ITPR1: variants seen among roughly 807,000 people sequenced by gnomAD.
ITPR1 encodes the protein inositol 1,4,5-trisphosphate receptor type 1, also known as inositol 1,4,5-trisphosphate-gated calcium channel ITPR1.
ITPR1 carries 96 observed loss-of-function variants against 318.4 expected under a neutral mutation model. The observed-to-expected ratio is 0.30, with a 90% CI of 0.26 to 0.36. The LOEUF (loss-of-function observed/expected upper bound fraction) is 0.36. Among genes scored for constraint, ITPR1 ranks in the 10% least tolerant of loss-of-function variants. The probability of loss-of-function intolerance (pLI) is 1.00; values close to 1 mark genes in which losing one functional copy is unlikely to be tolerated. For missense variants in ITPR1, 2,440 were observed against 3,460.2 expected (o/e 0.71, Z 7.40); for synonymous variants, 1,312 against 1,289.9 (o/e 1.02, Z -0.37).
intron 54 of ITPR1, among the ~76,000 whole-genome samples, 179 bp from the exon 55 acceptor site, chr3:4,805,924 G>C (rs1328452721): frequency 6.6e-6 from 1 of 152,214 alleles, no homozygotes; most frequent in African/African-American, 2.4e-5. Context: ...GAAAAGCAAA[G>C]TAATGAAATG....
chr3:4,658,008 G>A, intron 12 of ITPR1, 116 bp from the exon 13 acceptor site: 1 of 992,938 alleles, frequency 1.0e-6, no homozygotes, highest in Non-Finnish European at 1.5e-6. Context: ...TCCTTTTCCT[G>A]CCAACTGCTG....
At chr3:4,744,916 CCTTCCT>C (rs2043973881) in intron 44 of ITPR1, among the ~76,000 whole-genome samples, 1 of 31,464 alleles carries the variant, frequency 3.2e-5, no homozygotes, top group Non-Finnish European at 6.7e-5. Flanking sequence ...TTCCTTCCTT[CCTTCCT>C]TCCTTCCTTC....
intron 51 of ITPR1, among the ~76,000 whole-genome samples, chr3:4,786,148 A>T (rs1203297057): frequency 1.3e-5 from 2 of 152,142 alleles, no homozygotes; most frequent in African/African-American, 2.4e-5. Flanking sequence ...GGGAAGAAGC[A>T]CTTGTCCATA....
rs2094123714 is a variant in ITPR1, at chr3:4,673,347, C to T, written c.2416C>T (p.Arg806Cys). ...QEQVTPVKYARLWSEIPSEIA... is the reference protein window; with the variant it reads ...QEQVTPVKYACLWSEIPSEIA... ...ACAAGTCACCCCCGTGAAATATGCCCGCCTCTGGTCGGAGATTCCCTCGGA... is the reference window on the plus strand; with the variant it reads ...ACAAGTCACCCCCGTGAAATATGCCTGCCTCTGGTCGGAGATTCCCTCGGA... Residue 806 changes from arginine (R) to cysteine (C), a missense_variant, in exon 21 of 62, where the codon CGC (arginine) becomes TGC (cysteine). Physicochemically the swap from Arg to Cys is radical, Grantham distance 180. Around this residue, in one of 23 missense-constraint regions of ITPR1, gnomAD observed 478 missense variants for 696.3 expected, o/e 0.69. Transcript: ENST00000649015. 5 of 1,611,554 alleles carry T rather than the reference C, an allele frequency of 3.1e-6. No individual in the cohort carries two copies. The highest frequency in any genetic ancestry group is 2.2e-5 in the East Asian group (1 of 44,830).
At chr3:4,695,118 C>G (rs1306982226) in intron 33 of ITPR1, among the ~76,000 whole-genome samples, 1 of 152,034 alleles carries the variant, frequency 6.6e-6, no homozygotes, top group Non-Finnish European at 1.5e-5. Flanking sequence ...ACTGTCACGG[C>G]CCTTTGTAAG....
At position 4,673,121 on chromosome 3, in the gene ITPR1, T is replaced by G; in HGVS notation, c.2205-15T>G. ...TTCTGGAGCGTGAGCTGTGTGCCCT[T>G]GTTCCTTCCTCTAGATATCAGCTGA... On this transcript the variant is annotated splice_polypyrimidine_tract_variant and intron_variant, in intron 20 of 61. Transcript: ENST00000649015. The G allele has an allele frequency of 1.2e-6, 2 of 1,608,800 alleles. No individual in the cohort carries two copies.
chr3:4,590,486 C>T lies in ITPR1; in HGVS notation c.164-37277C>T, dbSNP rs527420747. On this transcript the variant is annotated intron_variant, in intron 4 of 61. Transcript: ENST00000649015. ...GCAAGAATGCTTCATCCCTGGTAAA[C>T]GGTCAGTCTGGTCTTCTCCATGTAT... Among the ~76,000 whole-genome samples, 8 of 150,702 alleles carry T rather than the reference C, an allele frequency of 5.3e-5. No individual in the cohort carries two copies. The South Asian group carries it at 6.2e-4, about 12-fold the overall frequency.
intron 32 of ITPR1, among the ~76,000 whole-genome samples, chr3:4,691,921 G>A (rs2094485416): frequency 1.3e-5 from 2 of 152,202 alleles, no homozygotes; most frequent in Admixed American, 1.3e-4. Flanking sequence ...GGAGGCTGAG[G>A]CAGGAGCATC....
intron 4 of ITPR1, among the ~76,000 whole-genome samples, chr3:4,566,119 G>C (rs1429345766): frequency 6.6e-6 from 1 of 152,156 alleles, no homozygotes; most frequent in Non-Finnish European, 1.5e-5. Context: ...ATGGAGAGGA[G>C]ATCTATAAAT....
At chr3:4,814,779 C>T (rs1389975907) in intron 58 of ITPR1, 1 of 613,100 alleles carries the variant, frequency 1.6e-6, no homozygotes, top group Non-Finnish European at 2.9e-6. Context: ...CTTTGGCTCT[C>T]TGTTCAGTAG....
chr3:4,834,520 C>T (rs773689416), intron 60 of ITPR1, among the ~76,000 whole-genome samples: 39 of 152,300 alleles, frequency 2.6e-4, no homozygotes, highest in Non-Finnish European at 4.3e-4. Context: ...GCCCAGCCCA[C>T]GTCATCCCTC....
intron 22 of ITPR1, 101 bp from the exon 23 acceptor site, chr3:4,674,967 A>G (rs774283596): frequency 6.5e-6 from 4 of 616,800 alleles, no homozygotes; most frequent in Non-Finnish European, 1.1e-5. Flanking sequence ...TACCATAAGG[A>G]AGGTCCAAGT....
At chr3:4,633,639 T>C (rs576033219) in intron 5 of ITPR1, among the ~76,000 whole-genome samples, 6 of 152,314 alleles carry the variant, frequency 3.9e-5, no homozygotes, top group African/African-American at 1.4e-4. Context: ...GGATTTTGAC[T>C]CTCTTGGTCA....
At chr3:4,530,361 G>C (rs1186069825) in intron 4 of ITPR1, among the ~76,000 whole-genome samples, 5 of 152,190 alleles carry the variant, frequency 3.3e-5, no homozygotes, top group African/African-American at 1.2e-4. Flanking sequence ...ATATGATTTT[G>C]ACTGCTCCCA....
At chr3:4,726,404 G>A (rs542150602) in intron 41 of ITPR1, among the ~76,000 whole-genome samples, 222 of 151,760 alleles carry the variant, frequency 1.5e-3, no homozygotes, top group Middle Eastern at 3.5e-3. Flanking sequence ...AAGGACTAAC[G>A]TTTACTAAGG....
At chr3:4,806,709 C>G (rs926719537) in intron 55 of ITPR1, among the ~76,000 whole-genome samples, 1 of 152,090 alleles carries the variant, frequency 6.6e-6, no homozygotes, top group Admixed American at 6.6e-5. Context: ...TTTGAAGCCC[C>G]GGGATTCATG....
chr3:4,534,893 A>G (rs921683999), intron 4 of ITPR1, among the ~76,000 whole-genome samples: 1 of 152,224 alleles, frequency 6.6e-6, no homozygotes, highest in East Asian at 1.9e-4. Flanking sequence ...AGGTTTAGCA[A>G]TCAAGTGAAG....
rs757372463 is a variant in ITPR1 at position 4,805,556 on chromosome 3, T to C, written c.7108-547T>C. ...ATTCCCAGAAGAGAGGGCAGGGGAA[T>C]AGAACTCATCCTGAAGTCCCTTATA... On this transcript the variant is annotated intron_variant, in intron 54 of 61. Coordinates refer to ENST00000649015, the MANE Select transcript of ITPR1 (RefSeq NM_001378452.1). Among the ~76,000 whole-genome samples, 75 of 152,180 alleles carry C rather than the reference T, an allele frequency of 4.9e-4. 1 individual carries two copies. The highest frequency in any genetic ancestry group is 2.2e-3 in the Admixed American group (33 of 15,282).
intron 61 of ITPR1, among the ~76,000 whole-genome samples, chr3:4,844,565 G>C (rs186550778): frequency 6.6e-6 from 1 of 152,344 alleles, no homozygotes; most frequent in African/African-American, 2.4e-5. Context: ...TGAACTATCA[G>C]GTAGTAAGAT....
Sources: gnomAD v4.1 joint callset for allele counts (sites outside exome capture counted in the v4.1 genomes callset) on GRCh38, gnomAD v4.1.1 for gene constraint, gnomAD v4.1.1 regional missense constraint, MANE v1.5 for transcripts, NCBI Gene and HGNC (gene_info 2026-07-23, HGNC 2026-07-21) for gene names.